The following BASP1 variants were observed in gnomAD, a reference collection of about 807,000 sequenced individuals.
BASP1 encodes the protein brain acid soluble protein 1.
A neutral mutation model predicts 2.2 loss-of-function variants in BASP1; 1 was observed. The observed-to-expected ratio is 0.46, with a 90% CI of 0.16 to 2.17. The LOEUF (loss-of-function observed/expected upper bound fraction) is 2.17, where lower values mean the gene tolerates loss of function less well. BASP1 is among the 30% of genes most tolerant of loss of function. The pLI is 0.27. For synonymous variants in BASP1, 187 were observed against 154.2 expected (o/e 1.21, Z -1.58); for missense variants, 352 against 327.2 (o/e 1.08, Z -0.58).
At chr5:17,244,383 A>G (rs532093494) in intron 1 of BASP1, among the ~76,000 whole-genome samples, 1 of 152,318 alleles carries the variant, frequency 6.6e-6, no homozygotes, top group South Asian at 2.1e-4. Flanking sequence ...CAGTATCAGG[A>G]AAACAGATTC....
intron 1 of BASP1, among the ~76,000 whole-genome samples, chr5:17,234,132 A>AAAAC (rs994719398): frequency 5.9e-5 from 9 of 152,284 alleles, no homozygotes; most frequent in East Asian, 1.9e-4. Flanking sequence ...CTCAGTCTCA[A>AAAAC]AAACAAACAA....
intron 1 of BASP1, among the ~76,000 whole-genome samples, chr5:17,222,007 A>G (rs759859850): frequency 1.2e-4 from 19 of 152,042 alleles, no homozygotes; most frequent in Non-Finnish European, 2.1e-4. Context: ...AGTGATATCA[A>G]TTACACTGAA....
chr5:17,256,189 A>G (rs1740206941), intron 1 of BASP1, among the ~76,000 whole-genome samples: 1 of 152,236 alleles, frequency 6.6e-6, no homozygotes, highest in African/African-American at 2.4e-5. Context: ...AGAAAACTAC[A>G]TTAGGAAAGA....
Position 17,275,360 on chromosome 5 carries a change from C to T in BASP1, c.144C>T (p.Pro48=), listed in dbSNP as rs745619169. Residue 48 remains proline, a synonymous_variant, in exon 2 of 2, where the codon CCC becomes CCT. Transcript: ENST00000322611. This position sits in a 1 kb window ranked among gnomAD's most constrained non-coding sequence, Gnocchi z 5.3. The part of the protein sequence containing the change: ...KESEPQAAAE[P]AEAKEGKEKP... ...GTGAGCCCCAGGCGGCCGCAGAGCCCGCCGAGGCCAAGGAGGGCAAGGAGA... is the reference window on the plus strand; with the variant it reads ...GTGAGCCCCAGGCGGCCGCAGAGCCTGCCGAGGCCAAGGAGGGCAAGGAGA... The T allele has an allele frequency of 3.7e-6, 6 of 1,601,396 alleles. No individual in the cohort carries two copies. Among genetic ancestry groups the T allele is most frequent in the South Asian group, 3.3e-5 (3 of 90,186 alleles).
At position 17,255,509 on chromosome 5, in the gene BASP1, G is replaced by A. The variant is rs528145558; in HGVS notation, c.-9-19699G>A. Among the ~76,000 whole-genome samples the A allele has an allele frequency of 4.6e-5, 7 of 152,178 alleles. No homozygotes were observed. In the South Asian group the frequency reaches 1.5e-3, roughly 32 times the overall value. ...GAATCATGTGGAATCTGTGGTACCT[G>A]TGCTAATCTGAAGCCACTATGTATT... On this transcript the variant is annotated intron_variant, in intron 1 of 1. Transcript: ENST00000322611.
At chr5:17,250,052 C>T (rs190344474) in intron 1 of BASP1, among the ~76,000 whole-genome samples, 3 of 152,144 alleles carry the variant, frequency 2.0e-5, no homozygotes, top group South Asian at 2.1e-4. Context: ...AAGCAATTCT[C>T]GTGCCTCAGC....
chr5:17,246,968 C>T (rs1327177525), intron 1 of BASP1, among the ~76,000 whole-genome samples: 1 of 152,146 alleles, frequency 6.6e-6, no homozygotes, highest in African/African-American at 2.4e-5. Context: ...CAGCGGATTG[C>T]CTGAGTACAG....
upstream of BASP1, chr5:17,217,628 G>C (rs938917013): frequency 1.3e-5 from 2 of 156,378 alleles, no homozygotes; most frequent in Non-Finnish European, 2.8e-5. Flanking sequence ...CGGCGGCGGC[G>C]GCAGTAGCGG....
chr5:17,271,012 A>T (rs1388031878), intron 1 of BASP1, among the ~76,000 whole-genome samples: 1 of 152,228 alleles, frequency 6.6e-6, no homozygotes, highest in Non-Finnish European at 1.5e-5. Context: ...AAACTCAGTG[A>T]AATTCCTCTC....
At chr5:17,270,915 C>G (rs1178405780) in intron 1 of BASP1, among the ~76,000 whole-genome samples, 1 of 152,118 alleles carries the variant, frequency 6.6e-6, no homozygotes, top group Non-Finnish European at 1.5e-5. Flanking sequence ...GGTGGGTGTG[C>G]TGTGGAGGTG....
Position 17,275,743 on chromosome 5 carries a change from GCTCGGAGGCTGCCCC to G in BASP1, c.531_545del (p.Glu178_Ser182del). On this transcript the variant is annotated inframe_deletion, in exon 2 of 2. Coordinates refer to ENST00000322611, the MANE Select transcript of BASP1 (RefSeq NM_006317.5). This position sits in a 1 kb window ranked among gnomAD's most constrained non-coding sequence, Gnocchi z 5.3. The stretch of plus-strand genomic sequence containing the variant: ...CCAGCTTCAGACTCAAAACCCGGCA[GCTCGGAGGCTGCCCC>G]CTCTTCCAAGGAGACCCCCGCAGCC... 1 of 1,612,130 alleles carries G rather than the reference GCTCGGAGGCTGCCCC, an allele frequency of 6.2e-7. No homozygotes were observed. The highest frequency in any genetic ancestry group is 8.5e-7 in the Non-Finnish European group (1 of 1,179,414).
intron 1 of BASP1, among the ~76,000 whole-genome samples, chr5:17,249,907 C>T (rs950715076): frequency 3.3e-5 from 5 of 152,018 alleles, no homozygotes; most frequent in Admixed American, 2.6e-4. Context: ...GCTGTTTTGT[C>T]CACCTATACT....
intron 1 of BASP1, among the ~76,000 whole-genome samples, chr5:17,223,581 G>A (rs953590199): frequency 1.3e-5 from 2 of 152,172 alleles, no homozygotes; most frequent in African/African-American, 4.8e-5. Context: ...TGTGGACTAA[G>A]TTTCAAAAGT....
At chr5:17,238,633 C>T (rs553125886) in intron 1 of BASP1, among the ~76,000 whole-genome samples, 2 of 152,180 alleles carry the variant, frequency 1.3e-5, no homozygotes, top group Non-Finnish European at 2.9e-5. Context: ...ACCTGACCTA[C>T]TTTTCCCCTT....
intron 1 of BASP1, among the ~76,000 whole-genome samples, chr5:17,271,284 G>A (rs187380450): frequency 9.2e-5 from 14 of 152,248 alleles, no homozygotes; most frequent in Middle Eastern, 3.4e-3. Context: ...ACCACGCCTG[G>A]CTAATTTTTG....
At chr5:17,265,179 G>C (rs1459404845) in intron 1 of BASP1, among the ~76,000 whole-genome samples, 1 of 152,226 alleles carries the variant, frequency 6.6e-6, no homozygotes, top group African/African-American at 2.4e-5. Flanking sequence ...GAAGGACCCA[G>C]TGCATGTAAC....
chr5:17,261,563 C>T (rs573110818), intron 1 of BASP1, among the ~76,000 whole-genome samples: 1 of 152,238 alleles, frequency 6.6e-6, no homozygotes, highest in South Asian at 2.1e-4. Context: ...TAAAAGAGAG[C>T]ATGTTGAGTT....
intron 1 of BASP1, 38 bp downstream of exon 1, chr5:17,217,848 AC>A (rs1739292279): frequency 6.6e-6 from 1 of 151,616 alleles, no homozygotes; most frequent in African/African-American, 2.4e-5. Flanking sequence ...GCCGCCGCGG[AC>A]CCGGGGGCCT....
At chr5:17,219,867 C>T (rs2126484747) in intron 1 of BASP1, among the ~76,000 whole-genome samples, 1 of 152,274 alleles carries the variant, frequency 6.6e-6, no homozygotes, top group East Asian at 1.9e-4. Context: ...AGAAGGCAGT[C>T]GTTGGGGTGA....
Sources: allele counts gnomAD v4.1 joint callset (sites outside exome capture counted in the v4.1 genomes callset), GRCh38; gene constraint gnomAD v4.1.1; non-coding constraint Gnocchi (gnomAD v3.1); transcripts MANE v1.5; gene names NCBI Gene and HGNC (gene_info 2026-07-23, HGNC 2026-07-21).